Variants in AKT3 observed in about 807,000 individuals in gnomAD.
AKT3 encodes AKT serine/threonine kinase 3, also known as RAC-gamma serine/threonine-protein kinase.
AKT3 carries 15 observed loss-of-function variants against 65.3 expected under a neutral mutation model. The ratio of observed to expected loss-of-function variants is 0.23; its 90% confidence interval spans 0.15 to 0.35. The LOEUF is 0.35. Ranked by LOEUF, AKT3 falls within the 10% of genes least tolerant of loss-of-function variation. The pLI is 1.00. For synonymous variants in AKT3, 206 were observed against 183.8 expected (o/e 1.12, Z -0.98); for missense variants, 243 against 576.5 (o/e 0.42, Z 5.92).
At chr1:243,802,089 G>C (rs9428584) in intron 2 of AKT3, among the ~76,000 whole-genome samples, 7,141 of 152,070 alleles carry the variant, frequency 0.047, 575 homozygotes, top group African/African-American at 0.16. Context: ...AATAATACCC[G>C]GCTTGACTGT....
rs755354947 is a variant in AKT3, at chr1:243,785,362, G to A, written c.46+57763C>T. Among the ~76,000 whole-genome samples the A allele has an allele frequency of 5.5e-4, 84 of 152,066 alleles. 1 individual carries two copies. The highest frequency in any genetic ancestry group is 3.4e-3 in the Middle Eastern group (1 of 294). On this transcript the variant is annotated intron_variant, in intron 2 of 13. Transcript: ENST00000673466. Reference sequence around the variant, plus strand: ...CAAAGTGTTGGGATTACAGGCGTGAGCCACCGTGCCCAGCCCCACCTCAAT... The same window carrying A: ...CAAAGTGTTGGGATTACAGGCGTGAACCACCGTGCCCAGCCCCACCTCAAT...
chr1:243,773,227 A>G (rs1035336631), intron 2 of AKT3, among the ~76,000 whole-genome samples: 1 of 148,142 alleles, frequency 6.8e-6, no homozygotes, highest in Non-Finnish European at 1.5e-5. Flanking sequence ...TATATATATA[A>G]AACAAAAAGA....
At chr1:243,639,155 T>C (rs1680192327) in intron 5 of AKT3, among the ~76,000 whole-genome samples, 1 of 152,156 alleles carries the variant, frequency 6.6e-6, no homozygotes, top group South Asian at 2.1e-4. Context: ...TGCTTGAAAG[T>C]CTCAAGCTTT....
At chr1:243,560,559 TG>T (rs1388742879) in intron 10 of AKT3, among the ~76,000 whole-genome samples, 1 of 152,132 alleles carries the variant, frequency 6.6e-6, no homozygotes, top group Non-Finnish European at 1.5e-5. Flanking sequence ...TATAAAAACA[TG>T]GTGTCCAGAT....
intron 2 of AKT3, among the ~76,000 whole-genome samples, chr1:243,818,427 C>A (rs1693657872): frequency 6.6e-6 from 1 of 152,084 alleles, no homozygotes; most frequent in Admixed American, 6.6e-5. Context: ...GTTTCTGGCA[C>A]ATATTTCGCT....
At chr1:243,526,146 G>A (rs1174306803) in intron 12 of AKT3, among the ~76,000 whole-genome samples, 2 of 151,932 alleles carry the variant, frequency 1.3e-5, no homozygotes, top group Non-Finnish European at 2.9e-5. Context: ...TCACTGCTGA[G>A]GCTTCATGTC....
rs911839915 is a variant in AKT3, at chr1:243,584,095, A to G, written c.697-11047T>C. 3.9e-5 allele frequency among the ~76,000 whole-genome samples: 6 copies of G among 152,150 alleles called. No individual in the cohort carries two copies. The South Asian group carries it at 6.2e-4, about 16-fold the overall frequency. ...GCTAGTGAGATTAACAAAGGAAAAG[A>G]GAGAAGATATAAATAACCACAATTA... On this transcript the variant is annotated intron_variant, in intron 8 of 13. Coordinates refer to ENST00000673466, the MANE Select transcript of AKT3 (RefSeq NM_005465.7).
chr1:243,799,794 AACAAAGC>A (rs1692267076), intron 2 of AKT3, among the ~76,000 whole-genome samples: 1 of 152,234 alleles, frequency 6.6e-6, no homozygotes. Flanking sequence ...CTAATTTTTA[AACAAAGC>A]ACACATAAAC....
chr1:243,516,873 C>T (rs1271503947), intron 12 of AKT3, among the ~76,000 whole-genome samples: 1 of 152,194 alleles, frequency 6.6e-6, no homozygotes, highest in Non-Finnish European at 1.5e-5. Flanking sequence ...TAGTTGTGAG[C>T]TACTGTGCCC....
At chr1:243,566,501 T>C (rs1674166702) in intron 9 of AKT3, among the ~76,000 whole-genome samples, 1 of 152,120 alleles carries the variant, frequency 6.6e-6, no homozygotes, top group South Asian at 2.1e-4. Flanking sequence ...AAGATAAGCC[T>C]AAGGGATGAC....
At chr1:243,648,199 A>G (rs979756416) in intron 4 of AKT3, among the ~76,000 whole-genome samples, 1 of 151,994 alleles carries the variant, frequency 6.6e-6, no homozygotes, top group East Asian at 1.9e-4. Context: ...TGGAGGTTGC[A>G]GTGAGCTGAA....
rs148489925 is a variant in AKT3 at position 243,803,693 on chromosome 1, TAA to T, written c.46+39430_46+39431del. On this transcript the variant is annotated intron_variant, in intron 2 of 13. Transcript: ENST00000673466. ...ACACACACACACACACACACACACA[TAA>T]GACTGAAAGGAAATGTGCCAAAAAT... Among the ~76,000 whole-genome samples the T allele has an allele frequency of 6.2e-3, 771 of 125,360 alleles. 9 individuals carry two copies. The highest frequency in any genetic ancestry group is 0.023 in the African/African-American group (724 of 31,850). The allele number at this position is 125,360 out of a possible 152,430, so 82.2% of individuals were successfully genotyped here.
chr1:243,834,711 A>G (rs541633114), intron 2 of AKT3, among the ~76,000 whole-genome samples: 2 of 152,066 alleles, frequency 1.3e-5, no homozygotes, highest in South Asian at 2.1e-4. Context: ...ACATCTAACC[A>G]ATAATGTATT....
intron 3 of AKT3, among the ~76,000 whole-genome samples, chr1:243,671,514 T>C (rs1176933379): frequency 3.3e-5 from 5 of 152,174 alleles, no homozygotes; most frequent in African/African-American, 7.2e-5. Flanking sequence ...CAAAAAGCAT[T>C]TCTATCTTTT....
intron 1 of AKT3, 48 bp downstream of exon 1, chr1:243,849,992 T>TGGAGGCCAGGCGGGGAGG (rs1179514436): frequency 2.1e-6 from 2 of 969,656 alleles, no homozygotes; most frequent in Admixed American, 1.3e-4. Flanking sequence ...CCGGAGGGAG[T>TGGAGGCCAGGCGGGGAGG]GGAGGCCAGG....
intron 10 of AKT3, 53 bp from the exon 11 acceptor site, chr1:243,552,996 A>T (rs1673175308): frequency 1.4e-5 from 19 of 1,356,772 alleles, no homozygotes; most frequent in Non-Finnish European, 1.9e-5. Context: ...CTTTTAAAGC[A>T]TTATTCATAA....
At chr1:243,496,605 T>C (rs969698157), downstream of AKT3, among the ~76,000 whole-genome samples, 4 of 152,136 alleles carry the variant, frequency 2.6e-5, no homozygotes, top group Non-Finnish European at 5.9e-5. Context: ...ACGGAGACAG[T>C]GAAGTGCGAA....
intron 12 of AKT3, among the ~76,000 whole-genome samples, chr1:243,525,572 T>C (rs1317202324): frequency 2.7e-5 from 4 of 149,144 alleles, no homozygotes; most frequent in South Asian, 2.1e-4. Flanking sequence ...AAGGACCAAA[T>C]GGAAAAACCT....
chr1:243,634,539 A>T (rs1259095465), intron 6 of AKT3, among the ~76,000 whole-genome samples: 1 of 151,994 alleles, frequency 6.6e-6, no homozygotes, highest in Non-Finnish European at 1.5e-5. Context: ...AAAATATCTT[A>T]TTTTACTATA....
Sources: gnomAD v4.1 joint callset for allele counts (sites outside exome capture counted in the v4.1 genomes callset) on GRCh38, gnomAD v4.1.1 for gene constraint, MANE v1.5 for transcripts, NCBI Gene and HGNC (gene_info 2026-07-23, HGNC 2026-07-21) for gene names.